ATF7IP2: variants seen among roughly 807,000 people sequenced by gnomAD.
ATF7IP2 encodes the protein activating transcription factor 7-interacting protein 2.
ATF7IP2 carries 42 observed loss-of-function variants against 64.2 expected under a neutral mutation model. The ratio of observed to expected loss-of-function variants is 0.65; its 90% CI spans 0.51 to 0.85. The LOEUF (loss-of-function observed/expected upper bound fraction) is 0.85, where lower values mean the gene tolerates loss of function less well. Ranked by LOEUF, ATF7IP2 falls within the 40% of genes least tolerant of loss-of-function variation. ATF7IP2 has a pLI of 0.00. For missense variants in ATF7IP2, 933 were observed against 784.2 expected (o/e 1.19, Z -2.27); for synonymous variants, 308 against 272.8 (o/e 1.13, Z -1.27).
intron 1 of ATF7IP2, among the ~76,000 whole-genome samples, chr16:10,389,971 C>T (rs1304096073): frequency 2.6e-5 from 4 of 152,160 alleles, no homozygotes; most frequent in African/African-American, 9.7e-5. Flanking sequence ...TGATAGACTT[C>T]TTCGAGTCTT....
chr16:10,444,612 G>C (rs988505149), intron 8 of ATF7IP2, among the ~76,000 whole-genome samples: 1 of 152,192 alleles, frequency 6.6e-6, no homozygotes. Flanking sequence ...TTGAGGGGCA[G>C]TTTGAATTCT....
intron 4 of ATF7IP2, among the ~76,000 whole-genome samples, chr16:10,429,540 G>C (rs1203117400): frequency 6.6e-6 from 1 of 151,810 alleles, no homozygotes; most frequent in Non-Finnish European, 1.5e-5. Flanking sequence ...AATAGAGATG[G>C]CGTTTTGCCC....
chr16:10,481,313 C>T (rs1012996457), intron 13 of ATF7IP2, among the ~76,000 whole-genome samples: 12 of 152,176 alleles, frequency 7.9e-5, no homozygotes, highest in Admixed American at 7.9e-4. Context: ...TCACTGCAAC[C>T]TCCACCTCCT....
chr16:10,400,390 GT>G (rs1030782931), intron 1 of ATF7IP2, among the ~76,000 whole-genome samples: 2 of 152,134 alleles, frequency 1.3e-5, no homozygotes, highest in Non-Finnish European at 2.9e-5. Context: ...TAAATTAAGA[GT>G]TTTTTGGAAG....
rs527507656 is a variant in ATF7IP2 at position 10,410,266 on chromosome 16, T to C, written c.-241-4308T>C. ...ATTTCTATCAGCAGTGTTTTGTAGT[T>C]TTCCTTGTAGAGGTCTTTTGACTCC... On this transcript the variant is annotated intron_variant, in intron 1 of 13. Coordinates refer to ENST00000562102, the MANE Select transcript of ATF7IP2 (RefSeq NM_001393719.1). 5.9e-5 allele frequency among the ~76,000 whole-genome samples: 9 copies of C among 152,330 alleles called. 1 individual carries two copies. Among genetic ancestry groups the C allele is most frequent in the Admixed American group, 2.0e-4 (3 of 15,290 alleles).
intron 12 of ATF7IP2, among the ~76,000 whole-genome samples, chr16:10,476,499 T>G (rs77019098): frequency 1.2e-3 from 189 of 151,618 alleles, no homozygotes; most frequent in Middle Eastern, 3.4e-3. Flanking sequence ...TGTGTGTGTG[T>G]TTTTTTTTAA....
At chr16:10,457,138 C>G (rs1206331012) in intron 8 of ATF7IP2, among the ~76,000 whole-genome samples, 2 of 152,182 alleles carry the variant, frequency 1.3e-5, no homozygotes, top group Non-Finnish European at 2.9e-5. Context: ...GTTTTTCCTT[C>G]TTTCCATCCA....
chr16:10,438,419 G>A (rs1333493026), intron 7 of ATF7IP2, among the ~76,000 whole-genome samples, 184 bp downstream of exon 7: 1 of 135,660 alleles, frequency 7.4e-6, no homozygotes, highest in South Asian at 2.4e-4. Flanking sequence ...TAATTTTTGG[G>A]TTTTTTTTTT....
In ATF7IP2 at chr16:10,428,221, T is replaced by C. The variant is rs58325308; in HGVS notation, c.-159-647T>C. ...CAGGTTACTGATAGTATTCTACTTATTTGTTGCAGGTGTTTCAAAGATGTT... is the reference window on the plus strand; with the variant it reads ...CAGGTTACTGATAGTATTCTACTTACTTGTTGCAGGTGTTTCAAAGATGTT... On this transcript the variant is annotated intron_variant, in intron 3 of 13. Coordinates refer to ENST00000562102, the MANE Select transcript of ATF7IP2 (RefSeq NM_001393719.1). Among the ~76,000 whole-genome samples the C allele has an allele frequency of 8.6e-3, 1,309 of 152,344 alleles. 14 individuals carry two copies. Among genetic ancestry groups the C allele is most frequent in the African/African-American group, 0.029 (1,200 of 41,580 alleles).
intron 12 of ATF7IP2, among the ~76,000 whole-genome samples, chr16:10,476,160 T>C (rs1287544294): frequency 6.6e-6 from 1 of 152,246 alleles, no homozygotes; most frequent in Non-Finnish European, 1.5e-5. Flanking sequence ...CAAATCTGTC[T>C]CTTAAAGCTA....
intron 1 of ATF7IP2, among the ~76,000 whole-genome samples, chr16:10,403,258 C>T (rs769244483): frequency 1.3e-5 from 2 of 152,114 alleles, no homozygotes; most frequent in Non-Finnish European, 2.9e-5. Context: ...GAGGTGAGTT[C>T]TCATGACTTC....
intron 12 of ATF7IP2, among the ~76,000 whole-genome samples, chr16:10,476,462 T>A (rs1279336344): frequency 1.3e-5 from 2 of 151,826 alleles, no homozygotes; most frequent in Admixed American, 1.3e-4. Context: ...TTCTTAACCA[T>A]CCCTGTATTT....
chr16:10,419,668 C>A, intron 3 of ATF7IP2, 45 bp downstream of exon 3: 1 of 153,246 alleles, frequency 6.5e-6, no homozygotes, highest in South Asian at 1.9e-4. Flanking sequence ...CAGTTGGGGT[C>A]CTCCTCAGTG....
chr16:10,431,328 G>T lies in ATF7IP2; in HGVS notation c.708G>T (p.Val236=). 6.2e-7 allele frequency: 1 copy of T among 1,614,170 alleles called. No homozygotes were observed. Among genetic ancestry groups the T allele is most frequent in the African/African-American group, 1.3e-5 (1 of 75,046 alleles). Reference sequence around the variant, plus strand: ...CTGTTGAGAAAACACCTAATTTGGTGAATTCAGTCACTTCTAACAACTGTG... The same window carrying T: ...CTGTTGAGAAAACACCTAATTTGGTTAATTCAGTCACTTCTAACAACTGTG... ...FVPVEKTPNL[V]NSVTSNNCAD... is the part of the protein sequence containing the mutation. Residue 236 remains valine (V), a synonymous_variant, in exon 5 of 14, where the codon GTG becomes GTT. Transcript: ENST00000562102.
intron 1 of ATF7IP2, among the ~76,000 whole-genome samples, chr16:10,413,010 G>A (rs978858518): frequency 4.9e-4 from 75 of 152,212 alleles, no homozygotes; most frequent in African/African-American, 1.7e-3. Context: ...CATTTGCATA[G>A]AATGTCTTTT....
At position 10,422,072 on chromosome 16, in the gene ATF7IP2, A is replaced by AT. The variant is rs567868381; in HGVS notation, c.-160+2453dup. On this transcript the variant is annotated intron_variant, in intron 3 of 13. Transcript: ENST00000562102. ...TCAGTTAACATTATCCATTTACCTG[A>AT]TTTTGTCTTAATTACGAAAACTGGA... Among the ~76,000 whole-genome samples, 79 of 152,316 alleles carry AT rather than the reference A, an allele frequency of 5.2e-4. 1 individual carries two copies. The East Asian group carries it at 8.7e-3, about 17-fold the overall frequency.
chr16:10,468,066 G>T (rs2049647248), intron 9 of ATF7IP2, among the ~76,000 whole-genome samples: 1 of 151,306 alleles, frequency 6.6e-6, no homozygotes, highest in African/African-American at 2.4e-5. Flanking sequence ...TTTTAGTAGA[G>T]ACGGGGTTTC....
At position 10,397,576 on chromosome 16, in the gene ATF7IP2, C is replaced by T. The variant is rs79348876; in HGVS notation, c.-242+11454C>T. On this transcript the variant is annotated intron_variant, in intron 1 of 13. Coordinates refer to ENST00000562102, the MANE Select transcript of ATF7IP2 (RefSeq NM_001393719.1). ...ATTCCAGCCTGGGCCACAGAGAGAC[C>T]GTGCCTCAAAAGAAAATGGGCTGGG... 4.0e-3 allele frequency among the ~76,000 whole-genome samples: 615 copies of T among 152,158 alleles called. 3 individuals are homozygous for T. Among genetic ancestry groups the T allele is most frequent in the African/African-American group, 0.014 (578 of 41,522 alleles).
Position 10,400,899 on chromosome 16 carries a change from G to C in ATF7IP2, c.-241-13675G>C, listed in dbSNP as rs528604777. Reference sequence around the variant, plus strand: ...GTTTCGCCATGTTGTGGCCAGGCTGGTCTCGAACTCTTAACCTCAGGTGAT... The same window carrying C: ...GTTTCGCCATGTTGTGGCCAGGCTGCTCTCGAACTCTTAACCTCAGGTGAT... On this transcript the variant is annotated intron_variant, in intron 1 of 13. Coordinates refer to ENST00000562102, the MANE Select transcript of ATF7IP2 (RefSeq NM_001393719.1). 2.6e-5 allele frequency among the ~76,000 whole-genome samples: 4 copies of C among 152,114 alleles called. No homozygotes were observed. In the South Asian group the frequency reaches 8.3e-4, roughly 32 times the overall value.
Sources: allele counts gnomAD v4.1 joint callset (sites outside exome capture counted in the v4.1 genomes callset), GRCh38; gene constraint gnomAD v4.1.1; transcripts MANE v1.5; gene names NCBI Gene and HGNC (gene_info 2026-07-23, HGNC 2026-07-21).